The following DYSF variants were observed in gnomAD, a reference collection of about 807,000 sequenced individuals.
DYSF encodes dystrophy-associated fer-1-like 1.
A neutral mutation model predicts 274.9 loss-of-function variants in DYSF; 212 were observed. The observed-to-expected ratio is 0.77, with a 90% CI of 0.69 to 0.86. The LOEUF is 0.86. Ranked by LOEUF, DYSF falls within the 40% of genes least tolerant of loss-of-function variation. The probability of loss-of-function intolerance (pLI) is 0.00; values close to 1 mark genes in which losing one functional copy is unlikely to be tolerated. For synonymous variants in DYSF, 1,091 were observed against 1,078.7 expected, an observed-to-expected ratio of 1.01 and a Z score of -0.22; for missense variants, 2,666 against 2,783.2, an observed-to-expected ratio of 0.96 and a Z score of 0.95.
At chr2:71,506,078 A>G (rs1010829143) in intron 4 of DYSF, among the ~76,000 whole-genome samples, 2 of 152,182 alleles carry the variant, frequency 1.3e-5, no homozygotes, top group African/African-American at 4.8e-5. Flanking sequence ...GGCCACGCAC[A>G]TATCAGGCCT....
chr2:71,538,241 C>T (rs1045265793), intron 16 of DYSF, among the ~76,000 whole-genome samples: 5 of 152,206 alleles, frequency 3.3e-5, no homozygotes, highest in Non-Finnish European at 7.3e-5. Flanking sequence ...GCTCTTAGTA[C>T]GTGCTCAATA....
chr2:71,570,331 C>T lies in DYSF; in HGVS notation c.3082C>T (p.Gln1028Ter), dbSNP rs1176142487. 6.2e-7 allele frequency: 1 copy of T among 1,613,918 alleles called. No homozygotes were observed. Among genetic ancestry groups the T allele is most frequent in the Non-Finnish European group, 8.5e-7 (1 of 1,179,884 alleles). The change falls in exon 28 of 56, where the codon CAA (glutamine) becomes TAA (stop). Residue 1028 changes from glutamine to a stop codon, truncating the protein, a stop_gained. Coordinates refer to ENST00000410020, the MANE Select transcript of DYSF (RefSeq NM_001130987.2). LOFTEE classifies it high-confidence loss of function. Reference sequence around the variant, plus strand: ...AGACCTCAACCGGGCTGTCGATGAGCAAGGTGGGCAGCATGTGGAACCTGG... The same window carrying T: ...AGACCTCAACCGGGCTGTCGATGAGTAAGGTGGGCAGCATGTGGAACCTGG... ...STDLNRAVDE[Q>*]GWEYSITIPP...
intron 36 of DYSF, among the ~76,000 whole-genome samples, chr2:71,605,246 C>T (rs1399688309): frequency 6.6e-6 from 1 of 152,252 alleles, no homozygotes; most frequent in Non-Finnish European, 1.5e-5. Context: ...TCTGAGCCCT[C>T]TGTCTGGTTT....
chr2:71,669,868 C>T, intron 51 of DYSF, 122 bp downstream of exon 51: 1 of 1,330,848 alleles, frequency 7.5e-7, no homozygotes, highest in Admixed American at 1.8e-5. Context: ...CATGTTGGAG[C>T]TACCACTGCC....
chr2:71,537,218 G>GTTTTTTTTT (rs751063098), intron 16 of DYSF, among the ~76,000 whole-genome samples: 7 of 47,698 alleles, frequency 1.5e-4, no homozygotes, highest in South Asian at 5.4e-4. Context: ...TTACTTTCTA[G>GTTTTTTTTT]TTTTGTTTTT....
chr2:71,667,626 T>C lies in DYSF; in HGVS notation c.5457+111T>C, dbSNP rs1187597785. 4 of 1,496,256 alleles carry C rather than the reference T, an allele frequency of 2.7e-6. No homozygotes were observed. The South Asian group carries it at 4.8e-5, about 18-fold the overall frequency. The allele number at this position is 1,496,256 out of a possible 1,614,324, so 92.7% of individuals were successfully genotyped here. ...AGTGGGTCCCTTGAGATTTGGTCAATCCTTCCTTGACCCATTTCTTCACAG... is the reference window on the plus strand; with the variant it reads ...AGTGGGTCCCTTGAGATTTGGTCAACCCTTCCTTGACCCATTTCTTCACAG... On this transcript the variant is annotated intron_variant, in intron 48 of 55. Coordinates refer to ENST00000410020, the MANE Select transcript of DYSF (RefSeq NM_001130987.2).
chr2:71,461,203 T>TGA lies in DYSF; in HGVS notation c.88+7118_88+7119dup, dbSNP rs574265739. On this transcript the variant is annotated intron_variant, in intron 1 of 54. Transcript: ENST00000258104. ...ACAGTCTAGCTAGACACGAAACGGG[T>TGA]GATTACGCTAATAGTTATTCCTGAC... Among the ~76,000 whole-genome samples, 322 of 152,182 alleles carry TGA rather than the reference T, an allele frequency of 2.1e-3. 3 individuals are homozygous for TGA. Among genetic ancestry groups the TGA allele is most frequent in the African/African-American group, 7.3e-3 (305 of 41,518 alleles).
intron 16 of DYSF, among the ~76,000 whole-genome samples, chr2:71,538,453 C>T (rs1463295302): frequency 6.6e-6 from 1 of 152,168 alleles, no homozygotes; most frequent in Non-Finnish European, 1.5e-5. Flanking sequence ...AGCAATGTTC[C>T]AGGAGTCAGG....
chr2:71,572,189 C>G (rs914212601), intron 29 of DYSF, among the ~76,000 whole-genome samples: 3 of 131,620 alleles, frequency 2.3e-5, no homozygotes, highest in Non-Finnish European at 4.7e-5. Flanking sequence ...ACACCCAGCA[C>G]AGATTACATC....
At chr2:71,667,548 C>G (rs367780930) in intron 48 of DYSF, 33 bp downstream of exon 48, 2 of 1,613,168 alleles carry the variant, frequency 1.2e-6, no homozygotes, top group Admixed American at 3.3e-5. Context: ...CCAGAGTCCT[C>G]GAACTCCAGA....
intron 2 of DYSF, 53 bp from the exon 3 acceptor site, chr2:71,481,826 T>C (rs2082935262): frequency 2.0e-6 from 3 of 1,475,982 alleles, no homozygotes; most frequent in South Asian, 2.3e-5. Context: ...CCAGACACAG[T>C]CTCTTCTCCT....
At chr2:71,532,550 G>C (rs1003913337) in intron 14 of DYSF, among the ~76,000 whole-genome samples, 1 of 152,210 alleles carries the variant, frequency 6.6e-6, no homozygotes, top group Non-Finnish European at 1.5e-5. Flanking sequence ...AGGCAGTGCT[G>C]GCTGGGGTGT....
At chr2:71,566,195 A>G (rs1574029939) in intron 24 of DYSF, among the ~76,000 whole-genome samples, 2 of 123,048 alleles carry the variant, frequency 1.6e-5, no homozygotes, top group African/African-American at 3.1e-5. Context: ...AGTGGGGCTG[A>G]CCGGGGAAGG....
At chr2:71,551,830 C>A in intron 19 of DYSF, 110 bp downstream of exon 19, 2 of 858,010 alleles carry the variant, frequency 2.3e-6, no homozygotes, top group Non-Finnish European at 3.7e-6. Flanking sequence ...GCTCTGCCCA[C>A]ACGCATCGTG....
At chr2:71,464,774 A>G (rs2081426993), upstream of DYSF, among the ~76,000 whole-genome samples, 1 of 152,158 alleles carries the variant, frequency 6.6e-6, no homozygotes, top group Admixed American at 6.5e-5. Flanking sequence ...AATTGAATTG[A>G]GGATAGACCA....
In DYSF at chr2:71,658,934, A is replaced by G; in HGVS notation, c.4812A>G (p.Arg1604=). The change falls in exon 44 of 56, where the codon AGA becomes AGG. Residue 1604 remains arginine (R), a synonymous_variant. Coordinates refer to ENST00000410020, the MANE Select transcript of DYSF (RefSeq NM_001130987.2). Reference sequence around the variant, plus strand: ...ACCCAGCCATCCCCATGCCCCCAAGACAGTTCCACCAGCTGGCCGCCCAGG... The same window carrying G: ...ACCCAGCCATCCCCATGCCCCCAAGGCAGTTCCACCAGCTGGCCGCCCAGG... ...PEDPAIPMPP[R]QFHQLAAQGP... The G allele has an allele frequency of 2.5e-6, 4 of 1,614,054 alleles. No homozygotes were observed. The highest frequency in any genetic ancestry group is 3.4e-6 in the Non-Finnish European group (4 of 1,180,006).
chr2:71,623,128 A>G (rs1465771681), intron 41 of DYSF, among the ~76,000 whole-genome samples: 1 of 152,168 alleles, frequency 6.6e-6, no homozygotes, highest in Admixed American at 6.5e-5. Flanking sequence ...TGCAATCGAG[A>G]CAGGTAGTCG....
chr2:71,479,417 G>C (rs768585469), intron 1 of DYSF, among the ~76,000 whole-genome samples: 1 of 151,844 alleles, frequency 6.6e-6, no homozygotes, highest in Non-Finnish European at 1.5e-5. Flanking sequence ...CCACATGGTG[G>C]GCCGCCAAGC....
At chr2:71,530,460 C>G (rs1053513739) in intron 14 of DYSF, among the ~76,000 whole-genome samples, 1 of 152,136 alleles carries the variant, frequency 6.6e-6, no homozygotes, top group South Asian at 2.1e-4. Flanking sequence ...CTGAGATGCC[C>G]TTGGCTGGCC....
Sources: allele counts gnomAD v4.1 joint callset (sites outside exome capture counted in the v4.1 genomes callset), GRCh38; gene constraint gnomAD v4.1.1; transcripts MANE v1.5; gene names NCBI Gene and HGNC (gene_info 2026-07-23, HGNC 2026-07-21).